Variants in GRM8 observed in about 807,000 individuals in gnomAD.
The protein encoded by GRM8 is metabotropic glutamate receptor 8.
GRM8 carries 47 observed loss-of-function variants against 87.2 expected under a neutral mutation model. The ratio of observed to expected loss-of-function variants is 0.54; its 90% confidence interval spans 0.43 to 0.69. The LOEUF (loss-of-function observed/expected upper bound fraction) is 0.69. Ranked by LOEUF, GRM8 falls within the 30% of genes least tolerant of loss-of-function variation. The pLI is 0.00. For missense variants in GRM8, 1,019 were observed against 1,139.2 expected, an observed-to-expected ratio of 0.89 and a Z score of 1.52; for synonymous variants, 396 against 404.5, an observed-to-expected ratio of 0.98 and a Z score of 0.25.
At chr7:126,943,874 C>G (rs1009416374) in intron 3 of GRM8, among the ~76,000 whole-genome samples, 1 of 152,188 alleles carries the variant, frequency 6.6e-6, no homozygotes, top group Non-Finnish European at 1.5e-5. Flanking sequence ...TTTCACTTGT[C>G]GAAGGAAGGC....
In GRM8 at chr7:126,974,005, T is replaced by C. The variant is rs932699947; in HGVS notation, c.728-69322A>G. ...ATCTGGAACTTTCTGAGCACAGACA[T>C]GATGCTACACAGGTACCTGAGATAG... On this transcript the variant is annotated intron_variant, in intron 3 of 10. Coordinates refer to ENST00000339582, the MANE Select transcript of GRM8 (RefSeq NM_000845.3). Among the ~76,000 whole-genome samples the C allele has an allele frequency of 3.9e-5, 6 of 152,290 alleles. No homozygotes were observed. In the South Asian group the frequency reaches 1.2e-3, roughly 32 times the overall value.
intron 6 of GRM8, 70 bp downstream of exon 6, chr7:126,902,472 G>A (rs757394568): frequency 8.8e-5 from 110 of 1,256,112 alleles, no homozygotes; most frequent in South Asian, 3.1e-4. Flanking sequence ...ATAGAAAAAC[G>A]TAATTTATCA....
intron 3 of GRM8, among the ~76,000 whole-genome samples, chr7:127,007,641 C>A (rs1383944362): frequency 6.6e-6 from 1 of 152,030 alleles, no homozygotes; most frequent in Non-Finnish European, 1.5e-5. Flanking sequence ...CAGGCCAAGA[C>A]AATTTTCATG....
At chr7:126,900,654 C>T (rs1056480048) in intron 6 of GRM8, among the ~76,000 whole-genome samples, 18 of 58,786 alleles carry the variant, frequency 3.1e-4, no homozygotes, top group Admixed American at 2.2e-3. Context: ...GGACTACAGG[C>T]GCCCGCCACA....
In GRM8 at chr7:126,622,136, A is replaced by C. The variant is rs556184487; in HGVS notation, c.1358-12638T>G. On this transcript the variant is annotated intron_variant, in intron 7 of 10. Transcript: ENST00000339582. ...AAATGATAAAATTTTATTGTCTGAC[A>C]AGACCAGGACTAGGCTGAGGCAAAT... Among the ~76,000 whole-genome samples, 8 of 152,280 alleles carry C rather than the reference A, an allele frequency of 5.3e-5. No individual in the cohort carries two copies. In the South Asian group the frequency reaches 1.7e-3, roughly 32 times the overall value.
intron 3 of GRM8, chr7:127,058,071 T>A: frequency 2.2e-6 from 1 of 461,016 alleles, no homozygotes. Context: ...CCTTCTGGAA[T>A]CACGTCTTTA....
rs58922895 is a variant in GRM8, at chr7:126,543,355, C to T, written c.1495-9468G>A. 9.5e-3 allele frequency among the ~76,000 whole-genome samples: 1,449 copies of T among 152,154 alleles called. 22 individuals are homozygous for T. The highest frequency in any genetic ancestry group is 0.033 in the African/African-American group (1,375 of 41,504). On this transcript the variant is annotated intron_variant, in intron 8 of 10. Transcript: ENST00000339582. ...CTATGTTGGCATGTTTAAAAGAATCCCTCCTTCCTCTAGTGATTCTGACAC... is the reference window on the plus strand; with the variant it reads ...CTATGTTGGCATGTTTAAAAGAATCTCTCCTTCCTCTAGTGATTCTGACAC...
chr7:126,935,528 G>A (rs1435365925), intron 3 of GRM8, among the ~76,000 whole-genome samples: 1 of 152,228 alleles, frequency 6.6e-6, no homozygotes, highest in East Asian at 1.9e-4. Flanking sequence ...GAGATGCTAT[G>A]TGGACATGGG....
intron 8 of GRM8, among the ~76,000 whole-genome samples, chr7:126,584,421 C>A (rs556494396): frequency 6.6e-6 from 1 of 152,214 alleles, no homozygotes; most frequent in African/African-American, 2.4e-5. Flanking sequence ...GACAGGGACT[C>A]ACCTTAATGT....
chr7:126,474,928 C>T (rs1226646168), intron 9 of GRM8, among the ~76,000 whole-genome samples: 1 of 152,076 alleles, frequency 6.6e-6, no homozygotes, highest in Non-Finnish European at 1.5e-5. Flanking sequence ...TGACAAAATT[C>T]AACATCCTTT....
At chr7:126,984,298 C>A (rs1811830140) in intron 3 of GRM8, among the ~76,000 whole-genome samples, 1 of 152,092 alleles carries the variant, frequency 6.6e-6, no homozygotes, top group African/African-American at 2.4e-5. Context: ...TGAGTGTCAA[C>A]TTGATGGGAT....
At chr7:127,027,582 A>T (rs1449621003) in intron 3 of GRM8, among the ~76,000 whole-genome samples, 1 of 152,022 alleles carries the variant, frequency 6.6e-6, no homozygotes. Context: ...TAGGTATTTT[A>T]TTCTCTTTGA....
At chr7:126,484,796 G>T (rs554853097) in intron 9 of GRM8, among the ~76,000 whole-genome samples, 1 of 151,874 alleles carries the variant, frequency 6.6e-6, no homozygotes, top group Admixed American at 6.6e-5. Flanking sequence ...AAACAAACGT[G>T]CTATTAAAAA....
At chr7:127,062,508 G>C (rs1019608591) in intron 3 of GRM8, among the ~76,000 whole-genome samples, 4 of 152,242 alleles carry the variant, frequency 2.6e-5, no homozygotes, top group Non-Finnish European at 2.9e-5. Flanking sequence ...GGGGGTGTAA[G>C]AGTCCAACCA....
intron 7 of GRM8, among the ~76,000 whole-genome samples, chr7:126,616,267 G>T (rs1157787594): frequency 6.6e-6 from 1 of 152,208 alleles, no homozygotes; most frequent in East Asian, 1.9e-4. Flanking sequence ...ACCTGCTCCT[G>T]AATGACTACT....
chr7:126,969,906 G>C (rs1810244525), intron 3 of GRM8, among the ~76,000 whole-genome samples: 1 of 152,102 alleles, frequency 6.6e-6, no homozygotes, highest in Non-Finnish European at 1.5e-5. Context: ...TGTGTTAGTT[G>C]TCATAAAAAC....
At chr7:126,735,219 G>A (rs1814069624) in intron 7 of GRM8, among the ~76,000 whole-genome samples, 1 of 152,038 alleles carries the variant, frequency 6.6e-6, no homozygotes, top group East Asian at 1.9e-4. Flanking sequence ...ATTAATGTAT[G>A]TATTCTCAAA....
intron 7 of GRM8, among the ~76,000 whole-genome samples, chr7:126,689,886 T>C (rs566739646): frequency 6.6e-6 from 1 of 152,346 alleles, no homozygotes; most frequent in Admixed American, 6.5e-5. Flanking sequence ...TTACAGTAGT[T>C]GGACTGAATA....
At chr7:126,788,882 T>C (rs1465506536) in intron 6 of GRM8, among the ~76,000 whole-genome samples, 1 of 152,140 alleles carries the variant, frequency 6.6e-6, no homozygotes, top group African/African-American at 2.4e-5. Flanking sequence ...AGATAAGCTA[T>C]TTTCACAGAG....
Sources: allele counts gnomAD v4.1 joint callset (sites outside exome capture counted in the v4.1 genomes callset), GRCh38; gene constraint gnomAD v4.1.1; transcripts MANE v1.5; gene names NCBI Gene and HGNC (gene_info 2026-07-23, HGNC 2026-07-21).